GALNT14: variants seen among roughly 807,000 people sequenced by gnomAD.
GALNT14 encodes the protein polypeptide N-acetylgalactosaminyltransferase 14.
GALNT14 carries 60 observed loss-of-function variants against 77.5 expected under a neutral mutation model. The ratio of observed to expected loss-of-function variants is 0.77; its 90% CI spans 0.63 to 0.96. The LOEUF is 0.96. Among genes scored for constraint, GALNT14 ranks in the 40% least tolerant of loss-of-function variants. GALNT14 has a pLI of 0.00. For missense variants in GALNT14, 710 were observed against 731.0 expected, an observed-to-expected ratio of 0.97 and a Z score of 0.33; for synonymous variants, 280 against 281.7, an observed-to-expected ratio of 0.99 and a Z score of 0.06.
At chr2:31,077,119 C>T (rs908843434) in intron 1 of GALNT14, among the ~76,000 whole-genome samples, 10 of 152,152 alleles carry the variant, frequency 6.6e-5, no homozygotes, top group African/African-American at 2.2e-4. Context: ...AAACATCACC[C>T]CATTTGTTTC....
chr2:30,936,065 A>C (rs1194207051), intron 9 of GALNT14, among the ~76,000 whole-genome samples: 1 of 152,180 alleles, frequency 6.6e-6, no homozygotes, highest in Non-Finnish European at 1.5e-5. Context: ...ATCCACTTTG[A>C]ATTCCAGGCA....
At chr2:31,010,794 C>T (rs2148440490) in intron 1 of GALNT14, among the ~76,000 whole-genome samples, 2 of 152,354 alleles carry the variant, frequency 1.3e-5, no homozygotes, top group Middle Eastern at 3.4e-3. Context: ...GTTCCAGCCA[C>T]ACTGGCCGTT....
At chr2:31,012,793 CCA>C (rs1196014309) in intron 1 of GALNT14, among the ~76,000 whole-genome samples, 1 of 151,928 alleles carries the variant, frequency 6.6e-6, no homozygotes, top group Non-Finnish European at 1.5e-5. Flanking sequence ...ACAACACCAC[CCA>C]CACACACAAA....
chr2:31,094,084 A>G (rs1455375854), intron 1 of GALNT14, among the ~76,000 whole-genome samples: 1 of 152,256 alleles, frequency 6.6e-6, no homozygotes, highest in Non-Finnish European at 1.5e-5. Flanking sequence ...GAAGATCCAC[A>G]AAAGAAGTGA....
At chr2:30,955,796 G>T in intron 5 of GALNT14, 57 bp from the exon 6 acceptor site, 1 of 1,610,156 alleles carries the variant, frequency 6.2e-7, no homozygotes, top group South Asian at 1.1e-5. Context: ...TGTCCAGCGA[G>T]ACCAGGGAGA....
At chr2:31,131,337 G>A (rs927060572) in intron 1 of GALNT14, among the ~76,000 whole-genome samples, 3 of 152,154 alleles carry the variant, frequency 2.0e-5, no homozygotes, top group Admixed American at 1.3e-4. Context: ...GGGGCCTGCA[G>A]CCAGTGGTAG....
chr2:31,051,101 C>T (rs1372093858), intron 1 of GALNT14, among the ~76,000 whole-genome samples: 1 of 152,180 alleles, frequency 6.6e-6, no homozygotes, highest in Admixed American at 6.5e-5. Flanking sequence ...CTTGCTGCAT[C>T]GCCCCCAGAT....
intron 1 of GALNT14, among the ~76,000 whole-genome samples, chr2:31,012,509 C>T (rs1348257439): frequency 6.6e-6 from 1 of 152,184 alleles, no homozygotes; most frequent in Non-Finnish European, 1.5e-5. Flanking sequence ...GCTCTCCCTT[C>T]CCACCTCACT....
At chr2:31,053,448 G>A (rs879656148) in intron 1 of GALNT14, among the ~76,000 whole-genome samples, 2 of 141,736 alleles carry the variant, frequency 1.4e-5, no homozygotes, top group African/African-American at 2.6e-5. Flanking sequence ...TTCCCCACCC[G>A]CCCTGTCATG....
chr2:30,942,218 C>A lies in GALNT14; in HGVS notation c.914G>T (p.Trp305Leu). 2.5e-6 allele frequency: 4 copies of A among 1,613,840 alleles called. No individual in the cohort carries two copies. Among genetic ancestry groups the A allele is most frequent in the Non-Finnish European group, 3.4e-6 (4 of 1,179,750 alleles). ...LGKYDMDMDI[W>L]GGENFEISFR... is the part of the protein sequence containing the mutation. ...GGACTCACCAAAGTTCTCCCCACCC[C>A]AGATGTCCATGTCCATATCATATTT... The change falls in exon 9 of 15, where the codon TGG becomes TTG. Residue 305 changes from tryptophan (W) to leucine (L), a missense_variant. Coordinates refer to ENST00000349752, the MANE Select transcript of GALNT14 (RefSeq NM_024572.4).
intron 2 of GALNT14, among the ~76,000 whole-genome samples, chr2:30,967,092 C>T (rs1436214007): frequency 1.3e-5 from 2 of 152,048 alleles, no homozygotes; most frequent in East Asian, 1.9e-4. Flanking sequence ...TTGCGGGGAG[C>T]TGGGGGATAT....
At chr2:31,122,185 G>A (rs1678445754) in intron 1 of GALNT14, among the ~76,000 whole-genome samples, 1 of 152,184 alleles carries the variant, frequency 6.6e-6, no homozygotes, top group Admixed American at 6.5e-5. Flanking sequence ...CCGGCCACTG[G>A]ACACAGGGGG....
chr2:30,985,944 A>C (rs1669271888), intron 2 of GALNT14, among the ~76,000 whole-genome samples: 1 of 152,154 alleles, frequency 6.6e-6, no homozygotes, highest in African/African-American at 2.4e-5. Flanking sequence ...TTTTTATCCT[A>C]TTACTGCTAA....
chr2:30,921,761 G>C (rs1366673870), intron 13 of GALNT14, among the ~76,000 whole-genome samples: 4 of 150,632 alleles, frequency 2.7e-5, no homozygotes, highest in Non-Finnish European at 6.0e-5. Context: ...AACTGGCATA[G>C]GTTTGTCCCT....
At chr2:30,917,315 T>C (rs1383329101) in intron 13 of GALNT14, among the ~76,000 whole-genome samples, 2 of 152,130 alleles carry the variant, frequency 1.3e-5, no homozygotes, top group South Asian at 2.1e-4. Context: ...GGTGGGGTCA[T>C]GGATGCTGCT....
chr2:30,900,135 C>T, the GALNT14 span, among the ~76,000 whole-genome samples: 1 of 152,130 alleles, frequency 6.6e-6, no homozygotes, highest in Non-Finnish European at 1.5e-5. Flanking sequence ...TGAAGGCCAG[C>T]CAGGACTCGG....
chr2:31,031,788 C>T (rs897020618), intron 1 of GALNT14, among the ~76,000 whole-genome samples: 3 of 152,182 alleles, frequency 2.0e-5, no homozygotes, highest in Non-Finnish European at 4.4e-5. Flanking sequence ...ATCTTGGCTA[C>T]ACATTCCAAC....
chr2:31,109,141 C>T (rs1216213182), intron 1 of GALNT14, among the ~76,000 whole-genome samples: 2 of 152,306 alleles, frequency 1.3e-5, no homozygotes, highest in Admixed American at 1.3e-4. Context: ...AATCAGCTGC[C>T]ACTTCACCCA....
At position 30,989,579 on chromosome 2, in the gene GALNT14, T is replaced by TATATATATACAC. The variant is rs1553351610; in HGVS notation, c.299+3258_299+3259insGTGTATATATAT. 7.9e-5 allele frequency among the ~76,000 whole-genome samples: 10 copies of TATATATATACAC among 127,218 alleles called. 1 individual carries two copies. In the South Asian group the frequency reaches 2.3e-3, roughly 30 times the overall value. 83.5% of individuals were successfully genotyped at this position (127,218 alleles called of 152,430 possible). On this transcript the variant is annotated intron_variant, in intron 2 of 14. Transcript: ENST00000349752. ...AATACCTTATATATATATATATATA[T>TATATATATACAC]ATAAAAATATATATATTAGTAGATA...
Sources: gnomAD v4.1 joint callset for allele counts (sites outside exome capture counted in the v4.1 genomes callset) on GRCh38, gnomAD v4.1.1 for gene constraint, MANE v1.5 for transcripts, NCBI Gene and HGNC (gene_info 2026-07-23, HGNC 2026-07-21) for gene names.